GUF1: variants seen among roughly 807,000 people sequenced by gnomAD.
The protein encoded by GUF1 is translation factor GUF1, mitochondrial.
A neutral mutation model predicts 82.4 loss-of-function variants in GUF1; 78 were observed. The observed-to-expected ratio is 0.95, with a 90% CI of 0.79 to 1.14. The LOEUF (loss-of-function observed/expected upper bound fraction) is 1.14. GUF1 is among the 50% of genes most tolerant of loss of function. GUF1 has a pLI of 0.00. For missense variants in GUF1, 814 were observed against 798.2 expected (o/e 1.02, Z -0.24); for synonymous variants, 279 against 282.3 (o/e 0.99, Z 0.12).
At chr4:44,689,160 A>G in intron 9 of GUF1, 126 bp from the exon 10 acceptor site, 1 of 841,862 alleles carries the variant, frequency 1.2e-6, no homozygotes, top group Non-Finnish European at 1.6e-6. Flanking sequence ...TATTTTGGTC[A>G]ATAAAATACA....
rs116617651 is a variant in GUF1 at position 44,680,705 on chromosome 4, A to G, written c.289A>G (p.Lys97Glu). Residue 97 changes from lysine to glutamate, a missense_variant, in exon 3 of 17, where the codon AAA (lysine) becomes GAA (glutamate). Coordinates refer to ENST00000281543, the MANE Select transcript of GUF1 (RefSeq NM_021927.3). ...GTTTCTGTTTATAGGGACAATTGAT[A>G]AAACAAAGAATAATAAGCAGGTTCT... ...RLLELTGTID[K>E]TKNNKQVLDK... 2 of 1,596,514 alleles carry G rather than the reference A, an allele frequency of 1.3e-6. No homozygotes were observed. The highest frequency in any genetic ancestry group is 1.7e-6 in the Non-Finnish European group (2 of 1,168,960).
At position 44,695,670 on chromosome 4, in the gene GUF1, C is replaced by CGA; in HGVS notation, c.1771_1772insGA (p.Pro591ArgfsTer8). ...ATGTGAACGGCTGAAGGATTCTCTT[C>CGA]CTAGGCAACTGTTTGAGATAGCAAT... On this transcript the variant is annotated frameshift_variant, in exon 15 of 17. Coordinates refer to ENST00000281543, the MANE Select transcript of GUF1 (RefSeq NM_021927.3). LOFTEE classifies it high-confidence loss of function. 1 of 1,613,342 alleles carries CGA rather than the reference C, an allele frequency of 6.2e-7. No homozygotes were observed. The highest frequency in any genetic ancestry group is 8.5e-7 in the Non-Finnish European group (1 of 1,179,504).
In GUF1 at chr4:44,683,311, G is replaced by C. The variant is rs114301959; in HGVS notation, c.662G>C (p.Cys221Ser). ...EKVFDIPSDE[C>S]IKISAKLGTN... ...GTGTTTGATATTCCAAGTGATGAAT[G>C]TATTAAGGTAAAATACGTTCCTAAA... Residue 221 changes from cysteine (C) to serine (S), a missense_variant, in exon 6 of 17, where the codon TGT becomes TCT. Cys to Ser is a moderately radical substitution (Grantham distance 112). Transcript: ENST00000281543. 3.1e-4 allele frequency: 476 copies of C among 1,548,070 alleles called. No individual in the cohort carries two copies. In the African/African-American group the frequency reaches 6.0e-3, roughly 20 times the overall value.
chr4:44,680,355 G>T (rs1283951192), intron 1 of GUF1, 86 bp from the exon 2 acceptor site: 1 of 601,334 alleles, frequency 1.7e-6, no homozygotes, highest in Non-Finnish European at 2.9e-6. Flanking sequence ...ATTGTTCAAC[G>T]ATTAAAAGAA....
chr4:44,692,834 G>A (rs539310678), intron 13 of GUF1, among the ~76,000 whole-genome samples: 3 of 151,880 alleles, frequency 2.0e-5, no homozygotes, highest in Non-Finnish European at 3.0e-5. Flanking sequence ...GAATTGAGGG[G>A]CATATTAAAA....
In GUF1 at chr4:44,685,774, G is replaced by A. The variant is rs544798742; in HGVS notation, c.670-185G>A. 1.8e-4 allele frequency among the ~76,000 whole-genome samples: 28 copies of A among 152,030 alleles called. No individual in the cohort carries two copies. The South Asian group carries it at 5.2e-3, about 28-fold the overall frequency. On this transcript the variant is annotated intron_variant, in intron 6 of 16. Transcript: ENST00000281543. ...TTCCATTCTAGAACTGTAGAACTACGTAACTATAATAGAAAAAGTATTTGT... is the reference window on the plus strand; with the variant it reads ...TTCCATTCTAGAACTGTAGAACTACATAACTATAATAGAAAAAGTATTTGT...
At chr4:44,694,847 G>A (rs1402000169) in intron 14 of GUF1, among the ~76,000 whole-genome samples, 1 of 151,072 alleles carries the variant, frequency 6.6e-6, no homozygotes, top group African/African-American at 2.4e-5. Flanking sequence ...TCATTCTGTT[G>A]CCAGGCTGGA....
intron 15 of GUF1, among the ~76,000 whole-genome samples, chr4:44,697,188 TTG>T (rs1715880927): frequency 6.6e-6 from 1 of 152,208 alleles, no homozygotes; most frequent in South Asian, 2.1e-4. Context: ...TTAATGTGTG[TTG>T]ATAAACATGT....
intron 1 of GUF1, among the ~76,000 whole-genome samples, chr4:44,679,792 A>G (rs962336203): frequency 6.6e-6 from 1 of 152,150 alleles, no homozygotes; most frequent in Non-Finnish European, 1.5e-5. Flanking sequence ...AAACTGGTAT[A>G]TTTTGCTTGA....
chr4:44,694,169 A>G, intron 13 of GUF1: 1 of 399,256 alleles, frequency 2.5e-6, no homozygotes, highest in Non-Finnish European at 4.4e-6. Flanking sequence ...TGTCAGGTTC[A>G]CCAGCTTATT....
chr4:44,686,080 C>T, intron 7 of GUF1, 57 bp downstream of exon 7: 1 of 1,168,364 alleles, frequency 8.6e-7, no homozygotes, highest in Admixed American at 1.7e-5. Context: ...CAAAAACTGT[C>T]CATGTTTAAT....
intron 14 of GUF1, among the ~76,000 whole-genome samples, chr4:44,694,818 T>TC (rs1300367397): frequency 6.6e-6 from 1 of 152,018 alleles, no homozygotes; most frequent in African/African-American, 2.4e-5. Flanking sequence ...TTGTTTTGTT[T>TC]TTTTTTTAGA....
intron 10 of GUF1, among the ~76,000 whole-genome samples, 154 bp from the exon 11 acceptor site, chr4:44,689,689 T>A (rs1444968829): frequency 6.6e-6 from 1 of 151,770 alleles, no homozygotes; most frequent in African/African-American, 2.4e-5. Context: ...TTTAATCTTA[T>A]TTAATAAAAT....
At chr4:44,694,534 T>C (rs754706124) in intron 14 of GUF1, 21 bp downstream of exon 14, 1 of 1,262,458 alleles carries the variant, frequency 7.9e-7, no homozygotes, top group Admixed American at 2.1e-5. Flanking sequence ...TAGAAACTAA[T>C]CATGGAATGT....
chr4:44,695,512 C>A, intron 14 of GUF1, 103 bp from the exon 15 acceptor site: 1 of 838,046 alleles, frequency 1.2e-6, no homozygotes, highest in Non-Finnish European at 1.8e-6. Flanking sequence ...CCATTTGAAC[C>A]TCCTTAAGAG....
chr4:44,697,870 C>T (rs564649140), intron 16 of GUF1, among the ~76,000 whole-genome samples: 5 of 152,108 alleles, frequency 3.3e-5, no homozygotes, highest in Non-Finnish European at 7.3e-5. Context: ...CTTGCACCAG[C>T]TCGGTGGCTC....
At chr4:44,689,104 G>T (rs1260493473) in intron 9 of GUF1, among the ~76,000 whole-genome samples, 182 bp from the exon 10 acceptor site, 3 of 151,086 alleles carry the variant, frequency 2.0e-5, no homozygotes, top group African/African-American at 4.9e-5. Context: ...CTAATGACTT[G>T]TAAGATACTT....
chr4:44,685,316 A>G (rs926601147), intron 6 of GUF1, among the ~76,000 whole-genome samples: 3 of 152,138 alleles, frequency 2.0e-5, no homozygotes, highest in Non-Finnish European at 4.4e-5. Context: ...TGTAATGCAC[A>G]GGACAGCCTC....
chr4:44,697,892 C>A (rs1263799522), intron 16 of GUF1, among the ~76,000 whole-genome samples: 1 of 152,076 alleles, frequency 6.6e-6, no homozygotes, highest in Non-Finnish European at 1.5e-5. Context: ...CAACTGTAAT[C>A]CCAGCACCTT....
Sources: gnomAD v4.1 joint callset for allele counts (sites outside exome capture counted in the v4.1 genomes callset) on GRCh38, gnomAD v4.1.1 for gene constraint, MANE v1.5 for transcripts, NCBI Gene and HGNC (gene_info 2026-07-23, HGNC 2026-07-21) for gene names.